Variants in NBEA observed in about 807,000 individuals in gnomAD.
NBEA encodes lysosomal-trafficking regulator 2.
Under a neutral mutation model 343.4 loss-of-function variants are expected in NBEA, and 44 were observed. The observed-to-expected ratio is 0.13, with a 90% confidence interval of 0.10 to 0.16. NBEA has a LOEUF of 0.16. NBEA is among the 10% of genes least tolerant of loss of function. The probability of loss-of-function intolerance (pLI) is 1.00; values close to 1 mark genes in which losing one functional copy is unlikely to be tolerated. For synonymous variants in NBEA, 1,175 were observed against 1,238.7 expected, an observed-to-expected ratio of 0.95 and a Z score of 1.08; for missense variants, 2,555 against 3,631.3, an observed-to-expected ratio of 0.70 and a Z score of 7.62.
intron 36 of NBEA, among the ~76,000 whole-genome samples, chr13:35,331,378 A>G (rs1001863915): frequency 5.9e-5 from 9 of 152,050 alleles, no homozygotes; most frequent in Admixed American, 6.6e-5. Flanking sequence ...GTATACTCCC[A>G]TTCTCTGATG....
intron 34 of NBEA, among the ~76,000 whole-genome samples, chr13:35,271,076 A>C (rs1446568525): frequency 1.9e-4 from 29 of 152,176 alleles, no homozygotes. Context: ...ATGTAGCCTG[A>C]CTGGGAGGCA....
At chr13:35,007,460 G>GT (rs557891039) in intron 1 of NBEA, among the ~76,000 whole-genome samples, 1 of 151,960 alleles carries the variant, frequency 6.6e-6, no homozygotes, top group African/African-American at 2.4e-5. Flanking sequence ...CTCTTCTATG[G>GT]TTTTTTGTTT....
chr13:35,578,883 T>C (rs758820921), intron 45 of NBEA, among the ~76,000 whole-genome samples: 50 of 152,292 alleles, frequency 3.3e-4, no homozygotes, highest in Non-Finnish European at 6.5e-4. Flanking sequence ...AAAAATTATT[T>C]CATTTCATAT....
chr13:35,351,062 A>G (rs2040173094), intron 37 of NBEA, among the ~76,000 whole-genome samples: 1 of 152,012 alleles, frequency 6.6e-6, no homozygotes, highest in Non-Finnish European at 1.5e-5. Context: ...GTACAAAAAG[A>G]TAAATTGGAA....
At chr13:35,030,851 C>T (rs2062185971) in intron 1 of NBEA, among the ~76,000 whole-genome samples, 1 of 151,556 alleles carries the variant, frequency 6.6e-6, no homozygotes, top group South Asian at 2.1e-4. Context: ...TAGAAAGGGG[C>T]AATGTGTTTT....
chr13:35,233,107 C>T (rs1480515202), intron 34 of NBEA, among the ~76,000 whole-genome samples: 1 of 152,042 alleles, frequency 6.6e-6, no homozygotes. Flanking sequence ...AGCTTACATA[C>T]AGTAAGGAGG....
At chr13:35,113,586 C>CATCTGTCTATCT (rs1555307445) in intron 13 of NBEA, among the ~76,000 whole-genome samples, 1 of 146,694 alleles carries the variant, frequency 6.8e-6, no homozygotes, top group African/African-American at 2.5e-5. Flanking sequence ...CTCCTCCACT[C>CATCTGTCTATCT]ATCTATCTAT....
chr13:35,610,448 A>G (rs748550512), intron 48 of NBEA, among the ~76,000 whole-genome samples: 1 of 152,142 alleles, frequency 6.6e-6, no homozygotes, highest in African/African-American at 2.4e-5. Flanking sequence ...GGCATTCAAC[A>G]AATGGTGCTG....
Position 35,671,039 on chromosome 13 carries a change from C to A in NBEA, c.*48C>A. ...CAAGTTAAAGCTGAGAGCACAAGTG[C>A]TGCATGGAAAGGCAATATCTCTGGT... On this transcript the variant is annotated 3_prime_UTR_variant, in exon 59 of 59. Transcript: ENST00000379939. The A allele has an allele frequency of 7.3e-7, 1 of 1,375,890 alleles. No homozygotes were observed. The highest frequency in any genetic ancestry group is 1.0e-6 in the Non-Finnish European group (1 of 993,386). 85.2% of individuals were successfully genotyped at this position (1,375,890 alleles called of 1,614,324 possible).
chr13:35,348,463 A>G (rs1029451102), intron 36 of NBEA, among the ~76,000 whole-genome samples: 7 of 152,126 alleles, frequency 4.6e-5, no homozygotes, highest in African/African-American at 1.2e-4. Flanking sequence ...ATGTTACTAC[A>G]CATTTTAAAA....
intron 31 of NBEA, among the ~76,000 whole-genome samples, chr13:35,197,747 G>C (rs142464752): frequency 6.6e-6 from 1 of 152,002 alleles, no homozygotes; most frequent in East Asian, 1.9e-4. Flanking sequence ...TGATCCACCC[G>C]CCTTTGCCTC....
intron 55 of NBEA, among the ~76,000 whole-genome samples, chr13:35,663,430 T>C (rs185967391): frequency 6.6e-6 from 1 of 152,368 alleles, no homozygotes; most frequent in Non-Finnish European, 1.5e-5. Context: ...ATCTATGTTG[T>C]TGCAAATGAC....
chr13:35,558,338 G>A lies in NBEA; in HGVS notation c.6922+3236G>A, dbSNP rs2079682311. Among the ~76,000 whole-genome samples the A allele has an allele frequency of 2.0e-5, 3 of 152,140 alleles. No individual in the cohort carries two copies. In the East Asian group the frequency reaches 5.8e-4, roughly 29 times the overall value. On this transcript the variant is annotated intron_variant, in intron 44 of 58. Coordinates refer to ENST00000379939, the MANE Select transcript of NBEA (RefSeq NM_001385012.1). ...GGGAGTATATGTGAAGCCATTTGAG[G>A]TAGTCAAATCTAGGAGCCATTATTT...
intron 1 of NBEA, among the ~76,000 whole-genome samples, chr13:35,023,906 A>G (rs1173492379): frequency 1.3e-5 from 2 of 152,112 alleles, no homozygotes; most frequent in Non-Finnish European, 1.5e-5. Flanking sequence ...GGGTTGGTGT[A>G]CAAGTGATTT....
chr13:35,108,412 A>C (rs1458611588), intron 11 of NBEA, among the ~76,000 whole-genome samples: 2 of 152,060 alleles, frequency 1.3e-5, no homozygotes, highest in Admixed American at 6.6e-5. Flanking sequence ...GTCCAATTAA[A>C]TTACAATTCA....
intron 41 of NBEA, among the ~76,000 whole-genome samples, chr13:35,486,778 G>C (rs1228629827): frequency 5.3e-5 from 8 of 151,970 alleles, no homozygotes; most frequent in Non-Finnish European, 1.0e-4. Context: ...GGTAAATACT[G>C]AGATACTTTT....
chr13:35,018,773 A>T (rs1566170168), intron 1 of NBEA, among the ~76,000 whole-genome samples: 1 of 152,182 alleles, frequency 6.6e-6, no homozygotes, highest in East Asian at 1.9e-4. Context: ...AGCATCCATG[A>T]TAACACTGAA....
chr13:35,380,067 C>T (rs553102365), intron 38 of NBEA, among the ~76,000 whole-genome samples: 1 of 152,256 alleles, frequency 6.6e-6, no homozygotes, highest in East Asian at 1.9e-4. Context: ...GGAAGTGACA[C>T]CTTTGCACTT....
chr13:35,070,872 A>G lies in NBEA; in HGVS notation c.1571+20A>G, dbSNP rs755968572. ...TGTCTGGTAAGTTTTCTTTGCATGT[A>G]CAATTGCTGGTATTTTATACACACT... On this transcript the variant is annotated intron_variant, in intron 10 of 58. Transcript: ENST00000379939. The G allele has an allele frequency of 9.9e-6, 16 of 1,608,724 alleles. No individual in the cohort carries two copies. The highest frequency in any genetic ancestry group is 1.3e-5 in the Non-Finnish European group (15 of 1,177,586).
Sources: gnomAD v4.1 joint callset for allele counts (sites outside exome capture counted in the v4.1 genomes callset) on GRCh38, gnomAD v4.1.1 for gene constraint, MANE v1.5 for transcripts, NCBI Gene and HGNC (gene_info 2026-07-23, HGNC 2026-07-21) for gene names.